The following TRAPPC12 variants were observed in gnomAD, a reference collection of about 807,000 sequenced individuals.
TRAPPC12 encodes TPR repeat protein 15.
TRAPPC12 carries 61 observed loss-of-function variants against 69.2 expected under a neutral mutation model. The ratio of observed to expected loss-of-function variants is 0.88; its 90% CI spans 0.72 to 1.09. The LOEUF is 1.09. Among genes scored for constraint, TRAPPC12 ranks in the 50% least tolerant of loss-of-function variants. The pLI, the probability that TRAPPC12 is intolerant of heterozygous loss-of-function variation, is 0.00. For synonymous variants in TRAPPC12, 469 were observed against 438.9 expected, an observed-to-expected ratio of 1.07 and a Z score of -0.86; for missense variants, 1,101 against 1,016.4, an observed-to-expected ratio of 1.08 and a Z score of -1.13.
intron 1 of TRAPPC12, among the ~76,000 whole-genome samples, chr2:3,382,130 CTTTTTTTTTTT>C (rs70938942): frequency 2.1e-5 from 2 of 93,594 alleles, no homozygotes; most frequent in African/African-American, 8.5e-5. Flanking sequence ...TTTATTTCCA[CTTTTTTTTTTT>C]TTTTTTTTTT....
chr2:3,473,516 G>A (rs1178951831), intron 9 of TRAPPC12, among the ~76,000 whole-genome samples: 4 of 152,200 alleles, frequency 2.6e-5, no homozygotes, highest in Non-Finnish European at 5.9e-5. Flanking sequence ...GCCTCGCTCT[G>A]TCACCCACAC....
chr2:3,407,843 G>A (rs1309479536), intron 3 of TRAPPC12, among the ~76,000 whole-genome samples: 1 of 152,054 alleles, frequency 6.6e-6, no homozygotes, highest in East Asian at 1.9e-4. Context: ...CCACCAGGAA[G>A]GGGAATAAGG....
chr2:3,443,788 T>TC lies in TRAPPC12; in HGVS notation c.1431dup (p.Phe478LeufsTer23), dbSNP rs755222328. The TC allele has an allele frequency of 1.2e-6, 2 of 1,613,998 alleles. No individual in the cohort carries two copies. Among genetic ancestry groups the TC allele is most frequent in the Non-Finnish European group, 8.5e-7 (1 of 1,179,980 alleles). On this transcript the variant is annotated frameshift_variant, in exon 6 of 12. Coordinates refer to ENST00000324266, the MANE Select transcript of TRAPPC12 (RefSeq NM_016030.6). LOFTEE classifies it high-confidence loss of function. ...ACTGATTGGATTCCAGGCTCCATGG[T>TC]CCCCTTCTCGATGCGCATCTTGCAC...
intron 3 of TRAPPC12, among the ~76,000 whole-genome samples, chr2:3,407,158 C>T (rs552751343): frequency 1.3e-5 from 2 of 152,254 alleles, no homozygotes; most frequent in East Asian, 3.9e-4. Context: ...GGGAGAAGGA[C>T]GTGTTAATCA....
chr2:3,411,302 G>C (rs1662044514), intron 3 of TRAPPC12, among the ~76,000 whole-genome samples: 1 of 152,218 alleles, frequency 6.6e-6, no homozygotes, highest in African/African-American at 2.4e-5. Context: ...GGGCGTCACT[G>C]TGTGGAGAGA....
At chr2:3,390,866 C>T (rs192146558) in intron 2 of TRAPPC12, among the ~76,000 whole-genome samples, 58 of 152,130 alleles carry the variant, frequency 3.8e-4, no homozygotes, top group East Asian at 9.6e-4. Context: ...TCTCTATACC[C>T]GCTTAATTTC....
Position 3,421,916 on chromosome 2 carries a change from C to T in TRAPPC12, c.1200C>T (p.Cys400=), listed in dbSNP as rs1417140672. Residue 400 remains cysteine, a synonymous_variant, in exon 4 of 12, where the codon TGC becomes TGT. Transcript: ENST00000324266. ...ACTGGAGGGCAGCAGTGGACCTGTG[C>T]GGACGTCTCCTCACAGCCCACGGCC... is the stretch of plus-strand genomic sequence containing the variant. The part of the protein sequence containing the change: ...CRNWRAAVDL[C]GRLLTAHGQG... 1.9e-6 allele frequency: 3 copies of T among 1,613,734 alleles called. No homozygotes were observed. The highest frequency in any genetic ancestry group is 2.2e-5 in the East Asian group (1 of 44,894).
intron 6 of TRAPPC12, chr2:3,455,620 T>C (rs12998281): frequency 0.51 from 76,951 of 152,102 alleles, 20,924 homozygotes; most frequent in Non-Finnish European, 0.61. Context: ...TTTCTGTGCC[T>C]GGCGTATGTC....
At chr2:3,445,701 A>C (rs964656342) in intron 6 of TRAPPC12, among the ~76,000 whole-genome samples, 1 of 152,260 alleles carries the variant, frequency 6.6e-6, no homozygotes, top group African/African-American at 2.4e-5. Context: ...AACCCAAGTC[A>C]TCTGGCTCTA....
In TRAPPC12 at chr2:3,387,962, G is replaced by A. The variant is rs368102970; in HGVS notation, c.339G>A (p.Glu113=). ...EPAGTPSPSG[E]ADGDCAPEDA... is the part of the protein sequence containing the mutation. Reference sequence around the variant, plus strand: ...CGGGCACCCCGAGTCCCAGCGGCGAGGCCGACGGCGACTGTGCCCCCGAGG... The same window carrying A: ...CGGGCACCCCGAGTCCCAGCGGCGAAGCCGACGGCGACTGTGCCCCCGAGG... The change falls in exon 2 of 12, where the codon GAG becomes GAA. Residue 113 remains glutamate, a synonymous_variant. Coordinates refer to ENST00000324266, the MANE Select transcript of TRAPPC12 (RefSeq NM_016030.6). 580 of 1,480,320 alleles carry A rather than the reference G, an allele frequency of 3.9e-4. 3 individuals are homozygous for A. In the African/African-American group the frequency reaches 6.0e-3, roughly 15 times the overall value. The allele number at this position is 1,480,320 out of a possible 1,614,324, so 91.7% of individuals were successfully genotyped here. A position where few individuals can be genotyped will look rare whatever the true frequency, so the allele number is the denominator to read the frequency against.
chr2:3,397,449 C>T (rs769981996), intron 2 of TRAPPC12, among the ~76,000 whole-genome samples: 1 of 152,184 alleles, frequency 6.6e-6, no homozygotes, highest in Non-Finnish European at 1.5e-5. Flanking sequence ...ACCCCACAGC[C>T]CTGTGTGAGC....
intron 9 of TRAPPC12, among the ~76,000 whole-genome samples, chr2:3,476,333 A>G (rs1295690873): frequency 6.6e-6 from 1 of 152,150 alleles, no homozygotes; most frequent in African/African-American, 2.4e-5. Flanking sequence ...GAGGAAGGCT[A>G]TTTATTACAC....
chr2:3,418,462 A>G (rs1232300620), intron 3 of TRAPPC12, among the ~76,000 whole-genome samples: 2 of 152,210 alleles, frequency 1.3e-5, no homozygotes, highest in Admixed American at 6.5e-5. Flanking sequence ...GAAATGAACT[A>G]CTGAGCCACG....
chr2:3,474,028 G>A (rs909335181), intron 9 of TRAPPC12, among the ~76,000 whole-genome samples: 1 of 152,142 alleles, frequency 6.6e-6, no homozygotes, highest in African/African-American at 2.4e-5. Flanking sequence ...TCCGCCTTGA[G>A]AACACTTTAA....
At chr2:3,401,691 G>A (rs1377152083) in intron 2 of TRAPPC12, 86 bp from the exon 3 acceptor site, 1 of 840,550 alleles carries the variant, frequency 1.2e-6, no homozygotes, top group Non-Finnish European at 1.8e-6. Context: ...GGAGAAAAAA[G>A]AAATTGTGTT....
intron 7 of TRAPPC12, among the ~76,000 whole-genome samples, chr2:3,459,452 T>C (rs1468792213): frequency 1.3e-5 from 2 of 152,062 alleles, no homozygotes; most frequent in African/African-American, 2.4e-5. Flanking sequence ...ACAGGCACCA[T>C]TGGTCAGCCC....
intron 2 of TRAPPC12, among the ~76,000 whole-genome samples, chr2:3,389,342 C>G (rs148125381): frequency 2.1e-3 from 326 of 152,354 alleles, no homozygotes; most frequent in South Asian, 4.8e-3. Context: ...CTCTCAGCCC[C>G]CAGCAGGTGG....
intron 5 of TRAPPC12, among the ~76,000 whole-genome samples, chr2:3,436,800 T>G (rs557378434): frequency 0.015 from 502 of 32,814 alleles, 6 homozygotes; most frequent in East Asian, 0.035. Context: ...CCATCACCCC[T>G]GAATTAATCC....
intron 9 of TRAPPC12, chr2:3,467,462 A>C (rs943934489): frequency 1.3e-5 from 2 of 152,226 alleles, no homozygotes; most frequent in Non-Finnish European, 2.9e-5. Flanking sequence ...GCTATTTGGG[A>C]TATCTCTGAA....
Sources: gnomAD v4.1 joint callset for allele counts (sites outside exome capture counted in the v4.1 genomes callset) on GRCh38, gnomAD v4.1.1 for gene constraint, MANE v1.5 for transcripts, NCBI Gene and HGNC (gene_info 2026-07-23, HGNC 2026-07-21) for gene names.